Variants in WHAMM observed in about 807,000 individuals in gnomAD.
WHAMM encodes WASP homolog associated with actin, golgi membranes and microtubules.
WHAMM carries 67 observed loss-of-function variants against 76.5 expected under a neutral mutation model. The ratio of observed to expected loss-of-function variants is 0.88; its 90% CI spans 0.72 to 1.07. The LOEUF (loss-of-function observed/expected upper bound fraction) is 1.07. WHAMM is among the 50% of genes least tolerant of loss of function. The pLI is 0.00. For synonymous variants in WHAMM, 419 were observed against 422.1 expected (o/e 0.99, Z 0.09); for missense variants, 1,021 against 1,051.1 (o/e 0.97, Z 0.40).
chr15:82,815,111 TTATATATATATATATATATATATA>T lies in WHAMM; in HGVS notation c.784-1560_784-1537del, dbSNP rs147147568. Among the ~76,000 whole-genome samples the T allele has an allele frequency of 2.4e-3, 121 of 49,620 alleles. 5 individuals are homozygous for T. The highest frequency in any genetic ancestry group is 0.02 in the Admixed American group (61 of 3,048). 32.6% of individuals were successfully genotyped at this position (49,620 alleles called of 152,430 possible). ...TGTTTTAAGATATCACTCACAGATT[TTATATATATATATATATATATATA>T]TATATATATATATATATATAGTACA... On this transcript the variant is annotated intron_variant, in intron 2 of 9. Transcript: ENST00000286760.
At position 82,833,686 on chromosome 15, in the gene WHAMM, ATTTTTT is replaced by A. The variant is rs367874690; in HGVS notation, c.*159_*164del. 3.1e-5 allele frequency: 21 copies of A among 677,124 alleles called. No homozygotes were observed. The highest frequency in any genetic ancestry group is 8.6e-4 in the Middle Eastern group (2 of 2,336). The allele number at this position is 677,124 out of a possible 1,614,324, so 41.9% of individuals were successfully genotyped here. On this transcript the variant is annotated 3_prime_UTR_variant, in exon 10 of 10. Transcript: ENST00000286760. ...AGGGCCTTGTGTAGGCTGCTGCAGC[ATTTTTT>A]TTTTTTTTCTTTTTTGAGATGGAGT... is the stretch of plus-strand genomic sequence containing the variant.
In WHAMM at chr15:82,830,621, GA is replaced by G; in HGVS notation, c.1667del (p.Asn556ThrfsTer30). 4.3e-6 allele frequency: 7 copies of G among 1,613,376 alleles called. No homozygotes were observed. The highest frequency in any genetic ancestry group is 5.1e-6 in the Non-Finnish European group (6 of 1,179,694). The part of the protein sequence containing the change: ...FKDKRLAQSV[R>X]NTSGSEPVAP... The stretch of plus-strand genomic sequence containing the variant: ...CAGAAACGCCTAGCTCAATCTGTCC[GA>G]AACACCTCTGGCTCAGAACCTGTGG... On this transcript the variant is annotated frameshift_variant, in exon 9 of 10. Transcript: ENST00000286760. LOFTEE classifies it high-confidence loss of function.
intron 2 of WHAMM, among the ~76,000 whole-genome samples, chr15:82,816,026 T>C (rs2050720715): frequency 1.3e-5 from 2 of 152,206 alleles, no homozygotes; most frequent in African/African-American, 4.8e-5. Context: ...TCTTAATTTG[T>C]AGATGACTGT....
chr15:82,822,449 AT>A (rs990879475), intron 5 of WHAMM, among the ~76,000 whole-genome samples: 16 of 151,894 alleles, frequency 1.1e-4, no homozygotes, highest in African/African-American at 3.4e-4. Context: ...ATTTTTTTTT[AT>A]TTTTGGAGAT....
At position 82,835,167 on chromosome 15, in the gene WHAMM, A is replaced by G. The variant is rs1414673653; in HGVS notation, c.*1631A>G. ...TTTGAGACAGAGTCTTGCTCTGTCA[A>G]CCAGGCTGGAGTGCGGTGGCACGAT... On this transcript the variant is annotated 3_prime_UTR_variant, in exon 10 of 10. Coordinates refer to ENST00000286760, the MANE Select transcript of WHAMM (RefSeq NM_001080435.3). 4.6e-5 allele frequency: 7 copies of G among 151,700 alleles called. No individual in the cohort carries two copies. The highest frequency in any genetic ancestry group is 4.6e-4 in the Admixed American group (7 of 15,228). The allele number at this position is 151,700 out of a possible 1,614,324, so 9.4% of individuals were successfully genotyped here. A position where few individuals can be genotyped will look rare whatever the true frequency, so the allele number is the denominator to read the frequency against.
At position 82,833,588 on chromosome 15, in the gene WHAMM, A is replaced by C; in HGVS notation, c.*52A>C. 1 of 1,581,840 alleles carries C rather than the reference A, an allele frequency of 6.3e-7. No individual in the cohort carries two copies. The highest frequency in any genetic ancestry group is 8.6e-7 in the Non-Finnish European group (1 of 1,164,778). On this transcript the variant is annotated 3_prime_UTR_variant, in exon 10 of 10. Coordinates refer to ENST00000286760, the MANE Select transcript of WHAMM (RefSeq NM_001080435.3). ...ACAGTAGGCTTGAATAAAGTGGGTG[A>C]GTCTTAGACCTATCGAAAAGCATAC...
Position 82,826,449 on chromosome 15 carries a change from G to A in WHAMM, c.1498G>A (p.Ala500Thr). ...KENHRFRLQQ[A>T]EESIRYSRQH... ...AAATCATCGGTTCAGATTGCAACAG[G>A]CTGAAGAAAGCATAAGATACTCTCG... Residue 500 changes from alanine (A) to threonine (T), a missense_variant, in exon 7 of 10, where the codon GCT becomes ACT. Physicochemically the swap from Ala to Thr is moderately conservative, Grantham distance 58. Transcript: ENST00000286760. 6.2e-7 allele frequency: 1 copy of A among 1,613,994 alleles called. No homozygotes were observed. Among genetic ancestry groups the A allele is most frequent in the Non-Finnish European group, 8.5e-7 (1 of 1,179,900 alleles).
chr15:82,831,730 A>T (rs1256394830), intron 9 of WHAMM, among the ~76,000 whole-genome samples: 1 of 152,246 alleles, frequency 6.6e-6, no homozygotes, highest in Non-Finnish European at 1.5e-5. Context: ...GACTTTAGAC[A>T]TTAAGTGTTG....
intron 8 of WHAMM, among the ~76,000 whole-genome samples, chr15:82,830,342 C>T (rs1403503928): frequency 1.3e-5 from 2 of 151,832 alleles, no homozygotes; most frequent in Non-Finnish European, 2.9e-5. Flanking sequence ...TGACTATTTT[C>T]CTCTATATGT....
At chr15:82,828,183 T>C (rs1026623140) in intron 8 of WHAMM, among the ~76,000 whole-genome samples, 1 of 152,206 alleles carries the variant, frequency 6.6e-6, no homozygotes, top group African/African-American at 2.4e-5. Flanking sequence ...TGAAACAGCC[T>C]TGTGAGATAG....
intron 8 of WHAMM, among the ~76,000 whole-genome samples, chr15:82,830,232 G>A (rs1292627819): frequency 2.5e-4 from 37 of 145,522 alleles, no homozygotes; most frequent in Admixed American, 6.3e-4. Flanking sequence ...TTGCTCTGTC[G>A]CCGGCTACTT....
chr15:82,832,026 C>G (rs1370909399), intron 9 of WHAMM, among the ~76,000 whole-genome samples: 2 of 152,164 alleles, frequency 1.3e-5, no homozygotes, highest in East Asian at 1.9e-4. Context: ...GGTGGAGACC[C>G]AATGGCCTGT....
At position 82,833,645 on chromosome 15, in the gene WHAMM, A is replaced by C. The variant is rs1596291216; in HGVS notation, c.*109A>C. ...GGTGCTGATAGATGGGCCACATAACACCCCGGAAGATCAGCAGGGCCTTGT... is the reference window on the plus strand; with the variant it reads ...GGTGCTGATAGATGGGCCACATAACCCCCCGGAAGATCAGCAGGGCCTTGT... On this transcript the variant is annotated 3_prime_UTR_variant, in exon 10 of 10. Coordinates refer to ENST00000286760, the MANE Select transcript of WHAMM (RefSeq NM_001080435.3). The C allele has an allele frequency of 3.3e-6, 4 of 1,197,984 alleles. No homozygotes were observed. The highest frequency in any genetic ancestry group is 2.3e-6 in the Non-Finnish European group (2 of 873,740). 74.2% of individuals were successfully genotyped at this position (1,197,984 alleles called of 1,614,324 possible). A position where few individuals can be genotyped will look rare whatever the true frequency, so the allele number is the denominator to read the frequency against.
In WHAMM at chr15:82,833,296, G is replaced by A. The variant is rs372463979; in HGVS notation, c.2190G>A (p.Pro730=). 4.3e-5 allele frequency: 70 copies of A among 1,613,974 alleles called. No individual in the cohort carries two copies. In the East Asian group the frequency reaches 7.6e-4, roughly 17 times the overall value. The part of the protein sequence containing the change: ...GRAPLRKVEV[P]AVRPPHASIN... The stretch of plus-strand genomic sequence containing the variant: ...CTCCTCTCCGGAAGGTGGAAGTGCC[G>A]GCGGTGCGCCCTCCCCACGCCTCAA... The change falls in exon 10 of 10, where the codon CCG becomes CCA. Residue 730 remains proline (P), a synonymous_variant. Transcript: ENST00000286760.
In WHAMM at chr15:82,809,805, C is replaced by G. The variant is rs780476146; in HGVS notation, c.79C>G (p.Arg27Gly). 6.2e-7 allele frequency: 1 copy of G among 1,602,090 alleles called. No homozygotes were observed. Among genetic ancestry groups the G allele is most frequent in the East Asian group, 2.2e-5 (1 of 44,508 alleles). The change falls in exon 1 of 10, where the codon CGG (arginine) becomes GGG (glycine). Residue 27 changes from arginine (R) to glycine (G), a missense_variant. Arg to Gly is a moderately radical substitution (Grantham distance 125). Coordinates refer to ENST00000286760, the MANE Select transcript of WHAMM (RefSeq NM_001080435.3). ...CCTCTTCGCCGAGCCCGAGAGGCAC[C>G]GGCTGCGCTTCCTGGTGGCCTGGAA... ...EGLFAEPERH[R>G]LRFLVAWNGA...
At chr15:82,828,832 A>G (rs1459586834) in intron 8 of WHAMM, among the ~76,000 whole-genome samples, 1 of 152,228 alleles carries the variant, frequency 6.6e-6, no homozygotes, top group Non-Finnish European at 1.5e-5. Flanking sequence ...GTGATAGGAA[A>G]GTCTGTGTGG....
rs1309820004 is a variant in WHAMM at position 82,833,680 on chromosome 15, T to A, written c.*144T>A. 1 of 885,848 alleles carries A rather than the reference T, an allele frequency of 1.1e-6. No homozygotes were observed. Among genetic ancestry groups the A allele is most frequent in the Non-Finnish European group, 1.7e-6 (1 of 603,058 alleles). The allele number at this position is 885,848 out of a possible 1,614,324, so 54.9% of individuals were successfully genotyped here. A position where few individuals can be genotyped will look rare whatever the true frequency, so the allele number is the denominator to read the frequency against. ...ATCAGCAGGGCCTTGTGTAGGCTGCTGCAGCATTTTTTTTTTTTTTCTTTT... is the reference window on the plus strand; with the variant it reads ...ATCAGCAGGGCCTTGTGTAGGCTGCAGCAGCATTTTTTTTTTTTTTCTTTT... On this transcript the variant is annotated 3_prime_UTR_variant, in exon 10 of 10. Coordinates refer to ENST00000286760, the MANE Select transcript of WHAMM (RefSeq NM_001080435.3).
At chr15:82,828,459 T>C (rs1392919935) in intron 8 of WHAMM, among the ~76,000 whole-genome samples, 8 of 152,146 alleles carry the variant, frequency 5.3e-5, no homozygotes, top group African/African-American at 1.7e-4. Context: ...AGGAGCTGCA[T>C]GAATACCAGA....
At chr15:82,811,359 C>G (rs1002852997) in intron 1 of WHAMM, among the ~76,000 whole-genome samples, 1 of 152,152 alleles carries the variant, frequency 6.6e-6, no homozygotes, top group Non-Finnish European at 1.5e-5. Flanking sequence ...AGGGGAGTTT[C>G]AAAAATGATA....
Sources: allele counts gnomAD v4.1 joint callset (sites outside exome capture counted in the v4.1 genomes callset), GRCh38; gene constraint gnomAD v4.1.1; transcripts MANE v1.5; gene names NCBI Gene and HGNC (gene_info 2026-07-23, HGNC 2026-07-21).